Variants in TMEM178B observed in about 807,000 individuals in gnomAD.
TMEM178B encodes transmembrane protein 178B.
TMEM178B carries 5 observed loss-of-function variants against 31.0 expected under a neutral mutation model. The ratio of observed to expected loss-of-function variants is 0.16; its 90% confidence interval spans 0.08 to 0.34. The LOEUF is 0.34. Among genes scored for constraint, TMEM178B ranks in the 10% least tolerant of loss-of-function variants. The pLI, the probability that TMEM178B is intolerant of heterozygous loss-of-function variation, is 1.00. For missense variants in TMEM178B, 275 were observed against 400.3 expected (o/e 0.69, Z 2.67); for synonymous variants, 164 against 164.0 (o/e 1.00, Z 0.00).
At chr7:141,298,043 A>G (rs533065419) in intron 2 of TMEM178B, among the ~76,000 whole-genome samples, 16 of 152,206 alleles carry the variant, frequency 1.1e-4, no homozygotes, top group Non-Finnish European at 2.2e-4. Context: ...TTTAATGATC[A>G]CCATTTTAAC....
intron 2 of TMEM178B, among the ~76,000 whole-genome samples, chr7:141,349,392 T>C (rs2116526011): frequency 6.6e-6 from 1 of 152,194 alleles, no homozygotes; most frequent in Non-Finnish European, 1.5e-5. Flanking sequence ...CAGGAGAAGA[T>C]AGACAGGAAA....
chr7:141,200,997 A>T (rs1796867305), intron 1 of TMEM178B, among the ~76,000 whole-genome samples: 1 of 152,178 alleles, frequency 6.6e-6, no homozygotes, highest in Non-Finnish European at 1.5e-5. Flanking sequence ...TGACAGAATC[A>T]CGATCCAAAA....
intron 1 of TMEM178B, among the ~76,000 whole-genome samples, chr7:141,104,510 G>A (rs1275309179): frequency 6.6e-6 from 1 of 152,180 alleles, no homozygotes; most frequent in Admixed American, 6.5e-5. Flanking sequence ...CTCTGTCTCT[G>A]CCCTCTCAGC....
Position 141,171,493 on chromosome 7 carries a change from C to T in TMEM178B, c.383-41098C>T, listed in dbSNP as rs1189174082. On this transcript the variant is annotated intron_variant, in intron 1 of 3. Transcript: ENST00000565468. The surrounding 1 kb of genome is among the most constrained non-coding windows in gnomAD (Gnocchi z 4.3). ...GCAAGTGATGGAGACAGAATTAGAA[C>T]TCAGGTCTTTTGACTGTTCTGCTAG... is the stretch of plus-strand genomic sequence containing the variant. Among the ~76,000 whole-genome samples, 1 of 152,196 alleles carries T rather than the reference C, an allele frequency of 6.6e-6. No individual in the cohort carries two copies.
intron 1 of TMEM178B, among the ~76,000 whole-genome samples, chr7:141,195,291 T>C (rs2129185429): frequency 6.6e-6 from 1 of 152,362 alleles, no homozygotes; most frequent in East Asian, 1.9e-4. Context: ...TAAAACTGAA[T>C]GCCTTTAGCA....
At chr7:141,095,648 AT>A (rs1275176627) in intron 1 of TMEM178B, among the ~76,000 whole-genome samples, 1 of 152,114 alleles carries the variant, frequency 6.6e-6, no homozygotes, top group Non-Finnish European at 1.5e-5. Context: ...CAATCAGATC[AT>A]TTCAACAGTA....
chr7:141,488,853 C>T, the TMEM178B span, among the ~76,000 whole-genome samples: 1 of 151,146 alleles, frequency 6.6e-6, no homozygotes, highest in South Asian at 2.1e-4. Context: ...AGTTTATCTG[C>T]ACTAAGAACT....
intron 1 of TMEM178B, among the ~76,000 whole-genome samples, chr7:141,202,079 G>C (rs1260322565): frequency 1.3e-5 from 2 of 152,136 alleles, no homozygotes; most frequent in Non-Finnish European, 2.9e-5. Flanking sequence ...TATGAGTGGG[G>C]ATAATAATGC....
At chr7:141,221,745 G>A (rs1178669823) in intron 2 of TMEM178B, among the ~76,000 whole-genome samples, 1 of 152,182 alleles carries the variant, frequency 6.6e-6, no homozygotes, top group African/African-American at 2.4e-5. Flanking sequence ...TCTGAAGATG[G>A]GGAGGGCAGC....
At chr7:141,453,920 T>TAA (rs10701376) in intron 3 of TMEM178B, among the ~76,000 whole-genome samples, 110,435 of 147,552 alleles carry the variant, frequency 0.75, 41,226 homozygotes, top group South Asian at 0.84. Context: ...CCCTTTTATC[T>TAA]AAAAAAAAAA....
At chr7:141,243,491 G>T (rs1037513451) in intron 2 of TMEM178B, among the ~76,000 whole-genome samples, 1 of 152,108 alleles carries the variant, frequency 6.6e-6, no homozygotes, top group Admixed American at 6.5e-5. Flanking sequence ...ACGTCAGCAG[G>T]GGCTGGTGGT....
intron 2 of TMEM178B, among the ~76,000 whole-genome samples, chr7:141,392,724 A>T (rs182374499): frequency 6.6e-6 from 1 of 152,076 alleles, no homozygotes; most frequent in African/African-American, 2.4e-5. Flanking sequence ...TCCAGTAGCT[A>T]AAAGGGAGTC....
chr7:141,335,535 C>G (rs1799369736), intron 2 of TMEM178B, among the ~76,000 whole-genome samples: 1 of 152,174 alleles, frequency 6.6e-6, no homozygotes, highest in African/African-American at 2.4e-5. Flanking sequence ...AAGGCAACAG[C>G]TGAGAGGACC....
the TMEM178B span, among the ~76,000 whole-genome samples, chr7:141,492,209 C>T: frequency 6.6e-6 from 1 of 152,192 alleles, no homozygotes; most frequent in Non-Finnish European, 1.5e-5. Context: ...CATGTGGTCC[C>T]TCTGCTGCGC....
intron 1 of TMEM178B, among the ~76,000 whole-genome samples, chr7:141,109,000 G>A (rs1311458241): frequency 1.3e-5 from 2 of 152,092 alleles, no homozygotes; most frequent in South Asian, 2.1e-4. Context: ...CAAGTGAAAC[G>A]GATTTCCCCT....
chr7:141,453,892 G>A (rs1307402976), intron 3 of TMEM178B, among the ~76,000 whole-genome samples: 1 of 146,180 alleles, frequency 6.8e-6, no homozygotes, highest in Non-Finnish European at 1.5e-5. Context: ...AAACTCTGTT[G>A]TGAATGAAGC....
At chr7:141,313,814 A>G (rs1315916368) in intron 2 of TMEM178B, among the ~76,000 whole-genome samples, 5 of 129,504 alleles carry the variant, frequency 3.9e-5, no homozygotes, top group Non-Finnish European at 5.6e-5. Flanking sequence ...TGCATTATTG[A>G]TGTGCGTCTT....
At chr7:141,246,974 C>T (rs1423610945) in intron 2 of TMEM178B, among the ~76,000 whole-genome samples, 1 of 152,128 alleles carries the variant, frequency 6.6e-6, no homozygotes, top group African/African-American at 2.4e-5. Flanking sequence ...CTTTGTAGAT[C>T]ATCTCTGCAG....
At chr7:141,442,317 A>G (rs1801675985) in intron 3 of TMEM178B, among the ~76,000 whole-genome samples, 1 of 152,084 alleles carries the variant, frequency 6.6e-6, no homozygotes. Flanking sequence ...CTAATGCTGG[A>G]GCCTCCTCTC....
Sources: gnomAD v4.1 joint callset for allele counts (sites outside exome capture counted in the v4.1 genomes callset) on GRCh38, gnomAD v4.1.1 for gene constraint, Gnocchi (gnomAD v3.1) non-coding constraint, MANE v1.5 for transcripts, NCBI Gene and HGNC (gene_info 2026-07-23, HGNC 2026-07-21) for gene names.